The following IFT57 variants were observed in gnomAD, a reference collection of about 807,000 sequenced individuals.
The protein encoded by IFT57 is intraflagellar transport 57.
In IFT57, 59 loss-of-function variants were observed where a neutral mutation model predicts 56.8. That is an observed-to-expected ratio of 1.04 (90% CI 0.84 to 1.29). The LOEUF is 1.29. Among genes scored for constraint, IFT57 ranks in the 50% most tolerant of loss-of-function variants. The probability of loss-of-function intolerance (pLI) is 0.00; values close to 1 mark genes in which losing one functional copy is unlikely to be tolerated. For synonymous variants in IFT57, 209 were observed against 186.1 expected (o/e 1.12, Z -1.00); for missense variants, 470 against 522.1 (o/e 0.90, Z 0.97).
At chr3:108,206,044 ATATT>A (rs1246238836) in intron 5 of IFT57, among the ~76,000 whole-genome samples, 10,508 of 124,920 alleles carry the variant, frequency 0.084, 498 homozygotes, top group Non-Finnish European at 0.1. Flanking sequence ...TTTATAATAT[ATATT>A]ATATATTATT....
chr3:108,200,001 A>T (rs539755573), intron 5 of IFT57, among the ~76,000 whole-genome samples: 5 of 152,208 alleles, frequency 3.3e-5, no homozygotes, highest in Non-Finnish European at 5.9e-5. Flanking sequence ...CACCCATTTA[A>T]CTGGAATAAA....
intron 5 of IFT57, among the ~76,000 whole-genome samples, chr3:108,192,285 T>C (rs2080220125): frequency 6.6e-6 from 1 of 151,816 alleles, no homozygotes; most frequent in Non-Finnish European, 1.5e-5. Flanking sequence ...AGAATCACTA[T>C]TTACAAAATT....
intron 3 of IFT57, chr3:108,218,295 A>T (rs374609081): frequency 3.7e-6 from 1 of 268,238 alleles, no homozygotes. Context: ...AACCTTTAAT[A>T]ATTACATATT....
chr3:108,194,664 A>G (rs971248864), intron 5 of IFT57, among the ~76,000 whole-genome samples: 1 of 152,206 alleles, frequency 6.6e-6, no homozygotes, highest in African/African-American at 2.4e-5. Context: ...GGAAAAGAAT[A>G]CAGAATCCAG....
At chr3:108,204,498 T>A (rs564835519) in intron 5 of IFT57, among the ~76,000 whole-genome samples, 19 of 152,352 alleles carry the variant, frequency 1.2e-4, no homozygotes, top group African/African-American at 4.3e-4. Context: ...AACTACTTTG[T>A]CCAGAAGGAA....
intron 5 of IFT57, among the ~76,000 whole-genome samples, chr3:108,199,618 T>C (rs372408867): frequency 6.6e-6 from 1 of 152,218 alleles, no homozygotes; most frequent in Non-Finnish European, 1.5e-5. Flanking sequence ...CAAGAAGTTA[T>C]AGGCAAGGTG....
intron 6 of IFT57, among the ~76,000 whole-genome samples, chr3:108,171,568 T>G (rs1437392723): frequency 2.6e-5 from 4 of 151,848 alleles, no homozygotes; most frequent in African/African-American, 4.8e-5. Flanking sequence ...CATTTTATAG[T>G]TGAGGGGACT....
intron 6 of IFT57, among the ~76,000 whole-genome samples, chr3:108,185,730 T>C (rs931790409): frequency 1.3e-5 from 2 of 151,976 alleles, no homozygotes; most frequent in Non-Finnish European, 2.9e-5. Context: ...TATGCAAATA[T>C]AGTTGGGTTT....
intron 5 of IFT57, among the ~76,000 whole-genome samples, chr3:108,194,522 G>A (rs564011400): frequency 1.1e-4 from 17 of 151,752 alleles, no homozygotes; most frequent in African/African-American, 3.9e-4. Context: ...AAAAGACCCA[G>A]AATAGTCAAA....
chr3:108,163,731 T>C lies in IFT57; in HGVS notation c.1045-2A>G. On this transcript the variant is annotated splice_acceptor_variant, in intron 9 of 10. Coordinates refer to ENST00000264538, the MANE Select transcript of IFT57 (RefSeq NM_018010.4). LOFTEE classifies it high-confidence loss of function. Reference sequence around the variant, plus strand: ...TACCTTTTCTAATTCTTCCATAACCTTTCATGAAAACAAGTTTTCATGAGC... The same window carrying C: ...TACCTTTTCTAATTCTTCCATAACCCTTCATGAAAACAAGTTTTCATGAGC... The C allele has an allele frequency of 6.3e-7, 1 of 1,599,476 alleles. No individual in the cohort carries two copies. The highest frequency in any genetic ancestry group is 8.6e-7 in the Non-Finnish European group (1 of 1,168,230).
intron 6 of IFT57, 102 bp downstream of exon 6, chr3:108,191,419 C>T (rs2080214121): frequency 2.9e-6 from 2 of 693,762 alleles, no homozygotes. Flanking sequence ...CTGAATCCTA[C>T]TGCCCTTCTT....
intron 6 of IFT57, among the ~76,000 whole-genome samples, chr3:108,176,890 GC>G (rs1356617891): frequency 2.0e-5 from 3 of 151,660 alleles, no homozygotes; most frequent in Non-Finnish European, 4.4e-5. Flanking sequence ...TATGTGTTAG[GC>G]ACTATGCTAA....
rs1268631337 is a variant in IFT57, at chr3:108,167,882, A to G, written c.778-18T>C. On this transcript the variant is annotated intron_variant, in intron 6 of 10. Coordinates refer to ENST00000264538, the MANE Select transcript of IFT57 (RefSeq NM_018010.4). ...CTCCAATCCTACAGGCATAGAGCAC[A>G]TAGAAATAATGTAAAAAATACTACA... 6.5e-7 allele frequency: 1 copy of G among 1,541,106 alleles called. No individual in the cohort carries two copies. The highest frequency in any genetic ancestry group is 8.8e-7 in the Non-Finnish European group (1 of 1,140,008).
intron 1 of IFT57, 53 bp downstream of exon 1, chr3:108,222,058 C>T (rs1560132859): frequency 6.4e-7 from 1 of 1,552,004 alleles, no homozygotes; most frequent in Non-Finnish European, 8.7e-7. Context: ...CCAAGGAGGG[C>T]ATCTCCCTGG....
chr3:108,182,943 C>T (rs2080159917), intron 6 of IFT57, among the ~76,000 whole-genome samples: 1 of 151,992 alleles, frequency 6.6e-6, no homozygotes, highest in African/African-American at 2.4e-5. Flanking sequence ...AATCAAAATT[C>T]TAATTACAAT....
At position 108,219,566 on chromosome 3, in the gene IFT57, A is replaced by G. The variant is rs1244764420; in HGVS notation, c.219T>C (p.Tyr73=). ...KSNLKAPSRH[Y]FALPTNPGEQ... ...CGCCAGGGTTGGTAGGCAGTGCAAA[A>G]TAGTGTCTGTTTCAAAACAAGGAGG... Residue 73 remains tyrosine (Y), a synonymous_variant, in exon 2 of 11, where the codon TAT becomes TAC. Transcript: ENST00000264538. 1.2e-6 allele frequency: 2 copies of G among 1,613,550 alleles called. No homozygotes were observed. Among genetic ancestry groups the G allele is most frequent in the Non-Finnish European group, 1.7e-6 (2 of 1,179,500 alleles).
intron 6 of IFT57, among the ~76,000 whole-genome samples, chr3:108,177,318 A>G (rs1302336724): frequency 2.0e-5 from 3 of 151,778 alleles, no homozygotes; most frequent in Non-Finnish European, 4.4e-5. Flanking sequence ...AAACTCTACC[A>G]TACAATAGAA....
chr3:108,166,783 C>G, intron 8 of IFT57, 71 bp downstream of exon 8: 1 of 1,257,032 alleles, frequency 8.0e-7, no homozygotes. Context: ...CTCAAATGAA[C>G]AGTATTGTGT....
In IFT57 at chr3:108,167,094, T is replaced by G. The variant is rs188213001; in HGVS notation, c.850-109A>C. On this transcript the variant is annotated intron_variant, in intron 7 of 10. Coordinates refer to ENST00000264538, the MANE Select transcript of IFT57 (RefSeq NM_018010.4). ...CATTCTACAAATAATCAACTACATG[T>G]GCAAAAGAAGACAGCTTGAAATTTT... 477 of 950,768 alleles carry G rather than the reference T, an allele frequency of 5.0e-4. 2 individuals are homozygous for G. Among genetic ancestry groups the G allele is most frequent in the Non-Finnish European group, 1.5e-4 (96 of 651,680 alleles). The allele number at this position is 950,768 out of a possible 1,614,324, so 58.9% of individuals were successfully genotyped here. A position where few individuals can be genotyped will look rare whatever the true frequency, so the allele number is the denominator to read the frequency against.
Sources: allele counts gnomAD v4.1 joint callset (sites outside exome capture counted in the v4.1 genomes callset), GRCh38; gene constraint gnomAD v4.1.1; transcripts MANE v1.5; gene names NCBI Gene and HGNC (gene_info 2026-07-23, HGNC 2026-07-21).